COL24A1: variants seen among roughly 807,000 people sequenced by gnomAD.
COL24A1 encodes collagen alpha-1(XXIV) chain.
In COL24A1, 224 loss-of-function variants were observed where a neutral mutation model predicts 253.9. That is an observed-to-expected ratio of 0.88 (90% CI 0.79 to 0.99). The LOEUF is 0.99. Ranked by LOEUF, COL24A1 falls within the 50% of genes least tolerant of loss-of-function variation. The probability of loss-of-function intolerance (pLI) is 0.00; values close to 1 mark genes in which losing one functional copy is unlikely to be tolerated. For synonymous variants in COL24A1, 685 were observed against 673.7 expected, an observed-to-expected ratio of 1.02 and a Z score of -0.26; for missense variants, 2,131 against 2,068.5, an observed-to-expected ratio of 1.03 and a Z score of -0.59.
At chr1:85,857,446 A>G (rs1570938942) in intron 37 of COL24A1, among the ~76,000 whole-genome samples, 2 of 141,258 alleles carry the variant, frequency 1.4e-5, no homozygotes, top group Admixed American at 1.5e-4. Context: ...TCAGCAAGGG[A>G]ACCCTCTTCT....
At chr1:86,135,884 C>G (rs931744244) in intron 2 of COL24A1, among the ~76,000 whole-genome samples, 1 of 151,954 alleles carries the variant, frequency 6.6e-6, no homozygotes, top group Non-Finnish European at 1.5e-5. Flanking sequence ...TTGTGCTGTG[C>G]CAACTCCTTT....
At chr1:85,961,841 C>T (rs1386717953) in intron 23 of COL24A1, among the ~76,000 whole-genome samples, 2 of 152,118 alleles carry the variant, frequency 1.3e-5, no homozygotes, top group African/African-American at 4.8e-5. Flanking sequence ...CTCGTGAGAA[C>T]TCACTCGCTA....
At position 85,729,783 on chromosome 1, in the gene COL24A1, G is replaced by C. The variant is rs181909514; in HGVS notation, c.*763C>G. On this transcript the variant is annotated 3_prime_UTR_variant, in exon 60 of 60. Coordinates refer to ENST00000370571, the MANE Select transcript of COL24A1 (RefSeq NM_152890.7). Reference sequence around the variant, plus strand: ...AAACAAAGAAATCTAATTCTTTTGCGTACAAGCACAGGTTACAATGTGCTG... The same window carrying C: ...AAACAAAGAAATCTAATTCTTTTGCCTACAAGCACAGGTTACAATGTGCTG... The C allele has an allele frequency of 3.2e-4, 49 of 152,552 alleles. No individual in the cohort carries two copies. In the East Asian group the frequency reaches 9.1e-3, roughly 28 times the overall value. The allele number at this position is 152,552 out of a possible 1,614,324, so 9.4% of individuals were successfully genotyped here.
intron 11 of COL24A1, among the ~76,000 whole-genome samples, chr1:86,047,914 G>T (rs983423200): frequency 1.3e-5 from 2 of 152,056 alleles, no homozygotes; most frequent in African/African-American, 4.8e-5. Flanking sequence ...GTACATACAG[G>T]TAAGTTAGAA....
intron 7 of COL24A1, among the ~76,000 whole-genome samples, chr1:86,088,410 A>C (rs1452684888): frequency 6.6e-6 from 1 of 152,230 alleles, no homozygotes; most frequent in East Asian, 1.9e-4. Context: ...TAACACCTTA[A>C]GAAGAAATTT....
At chr1:85,933,551 C>T (rs1161476971) in intron 24 of COL24A1, among the ~76,000 whole-genome samples, 1 of 152,174 alleles carries the variant, frequency 6.6e-6, no homozygotes, top group African/African-American at 2.4e-5. Flanking sequence ...ATGTATTGTG[C>T]AAAGGTGCCA....
intron 19 of COL24A1, among the ~76,000 whole-genome samples, chr1:85,989,148 A>G (rs1016482918): frequency 7.9e-5 from 12 of 151,952 alleles, no homozygotes; most frequent in Non-Finnish European, 1.5e-4. Flanking sequence ...GTGGACTTGA[A>G]TCAAGACACT....
At chr1:85,889,782 A>G (rs1003323868) in intron 31 of COL24A1, among the ~76,000 whole-genome samples, 169 bp from the exon 32 acceptor site, 3 of 149,238 alleles carry the variant, frequency 2.0e-5, no homozygotes, top group African/African-American at 7.4e-5. Context: ...AAAATTTACT[A>G]TTTTAACCAT....
intron 25 of COL24A1, among the ~76,000 whole-genome samples, chr1:85,910,336 A>T (rs1199694605): frequency 2.0e-5 from 3 of 152,008 alleles, no homozygotes; most frequent in Non-Finnish European, 4.4e-5. Context: ...ATTTTATGAG[A>T]CATACAAAAT....
At chr1:85,736,919 G>C (rs893154917) in intron 58 of COL24A1, among the ~76,000 whole-genome samples, 72 of 152,226 alleles carry the variant, frequency 4.7e-4, no homozygotes, top group African/African-American at 1.7e-3. Context: ...AATTATTCAT[G>C]AAAGAAGTTT....
intron 57 of COL24A1, among the ~76,000 whole-genome samples, chr1:85,741,399 T>C (rs572251129): frequency 3.3e-5 from 5 of 152,212 alleles, no homozygotes; most frequent in African/African-American, 4.8e-5. Flanking sequence ...TCTGACAGTA[T>C]GTGGGAGTTC....
At chr1:85,945,009 T>TC (rs1558752053) in intron 24 of COL24A1, among the ~76,000 whole-genome samples, 1 of 69,704 alleles carries the variant, frequency 1.4e-5, no homozygotes, top group South Asian at 7.5e-4. Context: ...TGTGTTTTTT[T>TC]TTTTTTTTTT....
chr1:86,097,433 C>A (rs1418573247), intron 5 of COL24A1, among the ~76,000 whole-genome samples: 2 of 147,974 alleles, frequency 1.4e-5, no homozygotes, highest in African/African-American at 5.0e-5. Flanking sequence ...CCTCCTCCTT[C>A]TTCTTCTCCT....
intron 19 of COL24A1, among the ~76,000 whole-genome samples, chr1:86,013,478 T>C (rs589343): frequency 0.31 from 47,328 of 152,082 alleles, 7,887 homozygotes; most frequent in Middle Eastern, 0.51. Context: ...TGAAATCCCC[T>C]TACAACAAAA....
chr1:86,046,868 C>T lies in COL24A1; in HGVS notation c.1907G>A (p.Gly636Asp), dbSNP rs1699947235. The T allele has an allele frequency of 4.7e-6, 7 of 1,491,886 alleles. No homozygotes were observed. Among genetic ancestry groups the T allele is most frequent in the Non-Finnish European group, 6.5e-6 (7 of 1,069,484 alleles). The allele number at this position is 1,491,886 out of a possible 1,614,324, so 92.4% of individuals were successfully genotyped here. ...CTTCTTTCCACGGATCCCAGGAATGCCCTAGAATATAGAAAAGAAAAAGGA... is the reference window on the plus strand; with the variant it reads ...CTTCTTTCCACGGATCCCAGGAATGTCCTAGAATATAGAAAAGAAAAAGGA... ...AGQLGPEGER[G>D]IPGIRGKKGF... is the part of the protein sequence containing the mutation. Residue 636 changes from glycine to aspartate, a missense_variant and splice_region_variant, in exon 12 of 60, where the codon GGC becomes GAC. Physicochemically the swap from Gly to Asp is moderately conservative, Grantham distance 94. Coordinates refer to ENST00000370571, the MANE Select transcript of COL24A1 (RefSeq NM_152890.7).
At chr1:86,116,500 C>T (rs1255433720) in intron 3 of COL24A1, among the ~76,000 whole-genome samples, 1 of 152,046 alleles carries the variant, frequency 6.6e-6, no homozygotes, top group African/African-American at 2.4e-5. Context: ...GTTTAATCTG[C>T]AGCATGGCCA....
chr1:85,905,312 A>T (rs538488964), intron 28 of COL24A1, among the ~76,000 whole-genome samples: 1 of 152,132 alleles, frequency 6.6e-6, no homozygotes. Context: ...AGTGAAAAAC[A>T]TTGGGAAGAA....
intron 24 of COL24A1, among the ~76,000 whole-genome samples, chr1:85,959,742 G>C (rs1217125837): frequency 6.6e-6 from 1 of 152,100 alleles, no homozygotes; most frequent in Admixed American, 6.5e-5. Context: ...GGAAAGCACT[G>C]GCAGTGGGTT....
At chr1:86,053,875 AG>A (rs1345779426) in intron 10 of COL24A1, among the ~76,000 whole-genome samples, 2 of 152,180 alleles carry the variant, frequency 1.3e-5, no homozygotes, top group Admixed American at 6.5e-5. Flanking sequence ...AGAATTTACC[AG>A]TAACAGGACA....
Sources: allele counts gnomAD v4.1 joint callset (sites outside exome capture counted in the v4.1 genomes callset), GRCh38; gene constraint gnomAD v4.1.1; transcripts MANE v1.5; gene names NCBI Gene and HGNC (gene_info 2026-07-23, HGNC 2026-07-21).